The following VPS13D variants were observed in gnomAD, a reference collection of about 807,000 sequenced individuals.
The protein encoded by VPS13D is vacuolar protein sorting 13 homolog D, also known as intermembrane lipid transfer protein VPS13D.
A neutral mutation model predicts 461.9 loss-of-function variants in VPS13D; 187 were observed. The ratio of observed to expected loss-of-function variants is 0.40; its 90% CI spans 0.36 to 0.46. The LOEUF (loss-of-function observed/expected upper bound fraction) is 0.46, where lower values mean the gene tolerates loss of function less well. Among genes scored for constraint, VPS13D ranks in the 20% least tolerant of loss-of-function variants. The pLI is 0.60. For synonymous variants in VPS13D, 1,951 were observed against 1,986.3 expected (o/e 0.98, Z 0.47); for missense variants, 4,711 against 5,364.9 (o/e 0.88, Z 3.81).
intron 63 of VPS13D, among the ~76,000 whole-genome samples, chr1:12,404,980 T>C (rs1644632080): frequency 6.6e-6 from 1 of 152,248 alleles, no homozygotes; most frequent in Non-Finnish European, 1.5e-5. Context: ...CACTGCCCCA[T>C]GCTGCCTCCT....
At chr1:12,400,418 G>A (rs917297336) in intron 61 of VPS13D, 88 bp downstream of exon 61, 117 of 1,480,188 alleles carry the variant, frequency 7.9e-5, no homozygotes, top group South Asian at 7.5e-5. Flanking sequence ...CAGCAGTGCC[G>A]GGTGCTGATG....
chr1:12,315,643 T>A (rs1642866926), intron 30 of VPS13D, among the ~76,000 whole-genome samples: 3 of 152,256 alleles, frequency 2.0e-5, no homozygotes, highest in Non-Finnish European at 4.4e-5. Context: ...AGCTCAAACC[T>A]GGGTATGTGA....
chr1:12,264,065 T>C (rs1032836901), intron 13 of VPS13D, among the ~76,000 whole-genome samples: 24 of 152,358 alleles, frequency 1.6e-4, no homozygotes, highest in African/African-American at 5.8e-4. Context: ...CTGTCTCTTA[T>C]GGTGATCTGT....
rs926622490 is a variant in VPS13D at position 12,502,351 on chromosome 1, G to A, written c.12795-4502G>A. On this transcript the variant is annotated intron_variant, in intron 68 of 69. Coordinates refer to ENST00000620676, the MANE Select transcript of VPS13D (RefSeq NM_015378.4). This position sits in a 1 kb window ranked among gnomAD's most constrained non-coding sequence, Gnocchi z 4.3. ...TAAATTGGAATCTGAGTGAGGAGGA[G>A]GGTTGAGAGTGGCTTCGGGCTCCTT... Among the ~76,000 whole-genome samples, 2 of 152,180 alleles carry A rather than the reference G, an allele frequency of 1.3e-5. No homozygotes were observed. The highest frequency in any genetic ancestry group is 2.9e-5 in the Non-Finnish European group (2 of 68,038).
intron 66 of VPS13D, among the ~76,000 whole-genome samples, chr1:12,457,148 G>A (rs141443449): frequency 6.6e-6 from 1 of 152,086 alleles, no homozygotes; most frequent in African/African-American, 2.4e-5. Flanking sequence ...TTCTTAGTAC[G>A]GCATCCAAGG....
intron 25 of VPS13D, among the ~76,000 whole-genome samples, chr1:12,303,265 G>A (rs961462538): frequency 1.3e-5 from 2 of 152,154 alleles, no homozygotes; most frequent in Admixed American, 6.5e-5. Flanking sequence ...ATAAATCCAT[G>A]TCTTAATGAG....
At chr1:12,237,994 A>G (rs1640213456) in intron 2 of VPS13D, among the ~76,000 whole-genome samples, 1 of 152,030 alleles carries the variant, frequency 6.6e-6, no homozygotes, top group Non-Finnish European at 1.5e-5. Flanking sequence ...CGTCTGTACT[A>G]AAAATATAAA....
intron 16 of VPS13D, among the ~76,000 whole-genome samples, chr1:12,270,646 C>T (rs574810802): frequency 6.6e-6 from 1 of 152,288 alleles, no homozygotes; most frequent in Non-Finnish European, 1.5e-5. Context: ...CATTCACTTA[C>T]GCTTTTTTGT....
At position 12,317,399 on chromosome 1, in the gene VPS13D, G is replaced by T. The variant is rs72866656; in HGVS notation, c.7149-673G>T. On this transcript the variant is annotated intron_variant, in intron 30 of 69. Coordinates refer to ENST00000620676, the MANE Select transcript of VPS13D (RefSeq NM_015378.4). ...TTAAGTCTGCGTCTCTGACTTCAAA[G>T]CCTGTGCTCTTTATCATACCAGAAT... Among the ~76,000 whole-genome samples the T allele has an allele frequency of 8.7e-3, 1,325 of 152,172 alleles. 17 individuals are homozygous for T. The highest frequency in any genetic ancestry group is 0.03 in the African/African-American group (1,264 of 41,512).
At chr1:12,433,089 G>A (rs1196199488) in intron 65 of VPS13D, among the ~76,000 whole-genome samples, 2 of 152,152 alleles carry the variant, frequency 1.3e-5, no homozygotes, top group East Asian at 3.9e-4. Flanking sequence ...GGGTGCACAG[G>A]CATGTGGCAG....
chr1:12,356,853 T>G (rs1333655849), intron 49 of VPS13D, among the ~76,000 whole-genome samples: 1 of 152,222 alleles, frequency 6.6e-6, no homozygotes, highest in Non-Finnish European at 1.5e-5. Context: ...CCTGTAAACT[T>G]GGAGCACAGG....
At chr1:12,324,968 T>G (rs2101537913) in intron 35 of VPS13D, among the ~76,000 whole-genome samples, 1 of 152,370 alleles carries the variant, frequency 6.6e-6, no homozygotes, top group African/African-American at 2.4e-5. Context: ...AAGCCAGGTC[T>G]ACCTGCCTCC....
At chr1:12,451,456 A>G (rs1645261216) in intron 65 of VPS13D, among the ~76,000 whole-genome samples, 1 of 152,236 alleles carries the variant, frequency 6.6e-6, no homozygotes, top group African/African-American at 2.4e-5. Flanking sequence ...TGAGTGTAAC[A>G]CTAGATTTTC....
intron 50 of VPS13D, among the ~76,000 whole-genome samples, chr1:12,362,458 C>T (rs1014698106): frequency 6.6e-6 from 1 of 152,222 alleles, no homozygotes; most frequent in Non-Finnish European, 1.5e-5. Context: ...TTAAATGGTA[C>T]ACACTGTGTG....
intron 44 of VPS13D, 27 bp from the exon 45 acceptor site, chr1:12,348,796 T>A (rs997925454): frequency 6.2e-7 from 1 of 1,609,978 alleles, no homozygotes. Context: ...GAAACATAAC[T>A]ATTTTGTCTT....
At chr1:12,374,549 T>C (rs1366324786) in intron 55 of VPS13D, among the ~76,000 whole-genome samples, 1 of 152,190 alleles carries the variant, frequency 6.6e-6, no homozygotes, top group African/African-American at 2.4e-5. Flanking sequence ...CACTGAGAAG[T>C]GAGGCTACTC....
chr1:12,266,732 A>G (rs1641279926), intron 13 of VPS13D, 149 bp from the exon 14 acceptor site: 2 of 755,560 alleles, frequency 2.6e-6, no homozygotes, highest in Non-Finnish European at 3.9e-6. Flanking sequence ...GTGCCTGTAG[A>G]TAGATAGGGT....
intron 3 of VPS13D, among the ~76,000 whole-genome samples, chr1:12,243,531 C>A (rs1057179178): frequency 1.3e-5 from 2 of 152,130 alleles, no homozygotes; most frequent in African/African-American, 4.8e-5. Context: ...GTGGCTTTCA[C>A]CTGGAATCCC....
chr1:12,455,169 A>G (rs1645309489), intron 65 of VPS13D, among the ~76,000 whole-genome samples: 1 of 152,212 alleles, frequency 6.6e-6, no homozygotes, highest in Non-Finnish European at 1.5e-5. Context: ...TAACCTGTTA[A>G]TCTTTCCATC....
Sources: allele counts gnomAD v4.1 joint callset (sites outside exome capture counted in the v4.1 genomes callset), GRCh38; gene constraint gnomAD v4.1.1; non-coding constraint Gnocchi (gnomAD v3.1); transcripts MANE v1.5; gene names NCBI Gene and HGNC (gene_info 2026-07-23, HGNC 2026-07-21).